HORMAD2: variants seen among roughly 807,000 people sequenced by gnomAD.
The protein encoded by HORMAD2 is HORMA domain-containing protein 2.
Under a neutral mutation model 38.8 loss-of-function variants are expected in HORMAD2, and 45 were observed. The ratio of observed to expected loss-of-function variants is 1.16; its 90% CI spans 0.91 to 1.49. The LOEUF is 1.49. Among genes scored for constraint, HORMAD2 ranks in the 40% most tolerant of loss-of-function variants. The pLI is 0.00. For synonymous variants in HORMAD2, 126 were observed against 122.8 expected (o/e 1.03, Z -0.17); for missense variants, 338 against 367.0 (o/e 0.92, Z 0.65).
At chr22:30,127,281 T>TTC (rs1375567911) in intron 10 of HORMAD2, among the ~76,000 whole-genome samples, 1 of 136,392 alleles carries the variant, frequency 7.3e-6, no homozygotes, top group Admixed American at 8.2e-5. Flanking sequence ...CGATCTCAGC[T>TTC]CACTGCAACC....
At chr22:30,145,374 A>G (rs1429328525) in intron 10 of HORMAD2, among the ~76,000 whole-genome samples, 1 of 152,242 alleles carries the variant, frequency 6.6e-6, no homozygotes, top group Non-Finnish European at 1.5e-5. Flanking sequence ...AGAACTGTAC[A>G]TTATAAAGAA....
rs67947501 is a variant in HORMAD2, at chr22:30,091,266, CTTTTTTT to C, written c.-37-2638_-37-2632del. Among the ~76,000 whole-genome samples, 7 of 114,034 alleles carry C rather than the reference CTTTTTTT, an allele frequency of 6.1e-5. No individual in the cohort carries two copies. In the South Asian group the frequency reaches 1.5e-3, roughly 25 times the overall value. 74.8% of individuals were successfully genotyped at this position (114,034 alleles called of 152,430 possible). ...TCTCTCTTTCTTTCTCTCTTTCTTT[CTTTTTTT>C]TTTTTTTTTTTGACAGAGTCTTGCT... On this transcript the variant is annotated intron_variant, in intron 1 of 10. Coordinates refer to ENST00000336726, the MANE Select transcript of HORMAD2 (RefSeq NM_152510.4).
At chr22:30,155,520 C>A (rs377561016) in intron 10 of HORMAD2, among the ~76,000 whole-genome samples, 1 of 152,110 alleles carries the variant, frequency 6.6e-6, no homozygotes, top group African/African-American at 2.4e-5. Context: ...GTTCCAGACT[C>A]GTCTTGTGTT....
At chr22:30,184,836 T>C in the HORMAD2 span, 2 of 152,258 alleles carry the variant, frequency 1.3e-5, no homozygotes, top group African/African-American at 4.8e-5. Context: ...AGTGTGGTGC[T>C]AGGGATTGTG....
chr22:30,195,418 C>T, the HORMAD2 span, among the ~76,000 whole-genome samples: 97 of 152,262 alleles, frequency 6.4e-4, no homozygotes, highest in African/African-American at 2.3e-3. Context: ...ACTGTCAAAC[C>T]TCCTCTCTCA....
Position 30,173,370 on chromosome 22 carries a change from T to G in HORMAD2, c.820-2693T>G, listed in dbSNP as rs1006527768. 4.6e-5 allele frequency among the ~76,000 whole-genome samples: 7 copies of G among 152,312 alleles called. No individual in the cohort carries two copies. In the South Asian group the frequency reaches 1.0e-3, roughly 23 times the overall value. On this transcript the variant is annotated intron_variant, in intron 10 of 10. Coordinates refer to ENST00000336726, the MANE Select transcript of HORMAD2 (RefSeq NM_152510.4). Reference sequence around the variant, plus strand: ...AGGGACCAGTGATTGGGAGAGATGATGTTTGCCTGCACTAAAGAAGTAATG... The same window carrying G: ...AGGGACCAGTGATTGGGAGAGATGAGGTTTGCCTGCACTAAAGAAGTAATG...
chr22:30,116,009 CAAT>C (rs1164233000), intron 7 of HORMAD2, among the ~76,000 whole-genome samples: 1 of 152,180 alleles, frequency 6.6e-6, no homozygotes, highest in East Asian at 1.9e-4. Flanking sequence ...CTAGCTACAT[CAAT>C]AATGAGACTA....
intron 2 of HORMAD2, among the ~76,000 whole-genome samples, chr22:30,097,776 T>C (rs543740235): frequency 5.9e-4 from 90 of 152,274 alleles, no homozygotes; most frequent in South Asian, 2.5e-3. Context: ...ATGATAAGAT[T>C]TGTATCCTTG....
chr22:30,117,669 CG>C (rs1353150655), intron 7 of HORMAD2, among the ~76,000 whole-genome samples: 1 of 151,916 alleles, frequency 6.6e-6, no homozygotes, highest in Non-Finnish European at 1.5e-5. Flanking sequence ...CCACCACGCC[CG>C]GCTAATTTTT....
chr22:30,104,028 A>G (rs922615226), intron 4 of HORMAD2, among the ~76,000 whole-genome samples: 2 of 152,134 alleles, frequency 1.3e-5, no homozygotes, highest in Non-Finnish European at 2.9e-5. Context: ...TAATTTTAAG[A>G]CACTGATTTA....
chr22:30,099,024 G>A, intron 3 of HORMAD2, 31 bp downstream of exon 3: 3 of 1,570,382 alleles, frequency 1.9e-6, no homozygotes, highest in East Asian at 2.3e-5. Context: ...CTCTTTGGCT[G>A]TTGTAGCCCC....
At chr22:30,191,161 G>A in the HORMAD2 span, among the ~76,000 whole-genome samples, 1 of 152,176 alleles carries the variant, frequency 6.6e-6, no homozygotes. Context: ...AAAGTTTGGA[G>A]AAGTTACTCA....
At chr22:30,144,892 A>G (rs1173845797) in intron 10 of HORMAD2, among the ~76,000 whole-genome samples, 1 of 152,088 alleles carries the variant, frequency 6.6e-6, no homozygotes, top group Admixed American at 6.5e-5. Flanking sequence ...AAAAATACTA[A>G]CGTTCTTTTC....
chr22:30,199,223 G>A, the HORMAD2 span, among the ~76,000 whole-genome samples: 2 of 152,348 alleles, frequency 1.3e-5, no homozygotes, highest in South Asian at 2.1e-4. Context: ...CCAAAGAAAC[G>A]CAGGCGTGAT....
At chr22:30,193,407 A>G in the HORMAD2 span, among the ~76,000 whole-genome samples, 1 of 152,232 alleles carries the variant, frequency 6.6e-6, no homozygotes, top group Non-Finnish European at 1.5e-5. Flanking sequence ...AGTTTAGTAG[A>G]GGACAGAAAC....
intron 10 of HORMAD2, among the ~76,000 whole-genome samples, chr22:30,170,216 G>A (rs529910931): frequency 6.6e-6 from 1 of 152,168 alleles, no homozygotes; most frequent in East Asian, 1.9e-4. Flanking sequence ...AAAACATTTT[G>A]CCAGATCTGA....
chr22:30,152,278 G>A (rs1361071960), intron 10 of HORMAD2, among the ~76,000 whole-genome samples: 4 of 151,976 alleles, frequency 2.6e-5, no homozygotes. Flanking sequence ...GCTCACTGCA[G>A]CTTTGAACTC....
intron 2 of HORMAD2, among the ~76,000 whole-genome samples, chr22:30,096,244 C>T (rs1007372191): frequency 6.6e-6 from 1 of 152,058 alleles, no homozygotes; most frequent in Non-Finnish European, 1.5e-5. Context: ...TTTCTGAATA[C>T]TCTAATTCAT....
chr22:30,159,816 A>AT (rs949842105), intron 10 of HORMAD2, among the ~76,000 whole-genome samples: 2 of 151,512 alleles, frequency 1.3e-5, no homozygotes, highest in African/African-American at 4.9e-5. Context: ...TATTTTTCCT[A>AT]TTTTTTTGTG....
Sources: gnomAD v4.1 joint callset for allele counts (sites outside exome capture counted in the v4.1 genomes callset) on GRCh38, gnomAD v4.1.1 for gene constraint, MANE v1.5 for transcripts, NCBI Gene and HGNC (gene_info 2026-07-23, HGNC 2026-07-21) for gene names.